The following AOPEP variants were observed in gnomAD, a reference collection of about 807,000 sequenced individuals.
The protein encoded by AOPEP is aminopeptidase O (putative), also known as aminopeptidase O.
In AOPEP, 77 loss-of-function variants were observed where a neutral mutation model predicts 98.1. The ratio of observed to expected loss-of-function variants is 0.78; its 90% CI spans 0.65 to 0.95. The LOEUF (loss-of-function observed/expected upper bound fraction) is 0.95. Ranked by LOEUF, AOPEP falls within the 40% of genes least tolerant of loss-of-function variation. AOPEP has a pLI of 0.00. For missense variants in AOPEP, 1,024 were observed against 1,024.7 expected (o/e 1.00, Z 0.01); for synonymous variants, 346 against 365.3 (o/e 0.95, Z 0.60).
At chr9:94,798,242 T>C (rs192102051) in intron 4 of AOPEP, among the ~76,000 whole-genome samples, 14 of 152,306 alleles carry the variant, frequency 9.2e-5, no homozygotes, top group Non-Finnish European at 1.9e-4. Context: ...TCTCACCTGG[T>C]CAGAGCTTGA....
At chr9:95,067,790 T>C (rs902696098) in intron 14 of AOPEP, among the ~76,000 whole-genome samples, 2 of 152,204 alleles carry the variant, frequency 1.3e-5, no homozygotes, top group Non-Finnish European at 2.9e-5. Context: ...CCACAATCAC[T>C]TGTAGAACAT....
At chr9:94,961,315 T>C (rs2058826121) in intron 9 of AOPEP, among the ~76,000 whole-genome samples, 3 of 152,234 alleles carry the variant, frequency 2.0e-5, no homozygotes, top group African/African-American at 7.2e-5. Flanking sequence ...GTGTGCATTT[T>C]TATTTTTAGT....
chr9:94,874,043 CTA>C (rs1324250894), intron 5 of AOPEP, among the ~76,000 whole-genome samples: 1 of 151,904 alleles, frequency 6.6e-6, no homozygotes, highest in Non-Finnish European at 1.5e-5. Flanking sequence ...TTAGAAATAA[CTA>C]TGTTTTATTT....
At chr9:94,954,324 C>T (rs1438696482) in intron 7 of AOPEP, among the ~76,000 whole-genome samples, 2 of 151,786 alleles carry the variant, frequency 1.3e-5, no homozygotes, top group Non-Finnish European at 2.9e-5. Flanking sequence ...AACCCTGACT[C>T]GAAGGAAAAA....
the AOPEP span, among the ~76,000 whole-genome samples, chr9:95,119,278 G>A: frequency 1.3e-5 from 2 of 151,900 alleles, no homozygotes; most frequent in African/African-American, 4.8e-5. Flanking sequence ...ATATATTCTC[G>A]ACACAAGTCC....
rs2058314853 is a variant in AOPEP, at chr9:94,954,413, T to C, written c.1662-764T>C. Among the ~76,000 whole-genome samples, 3 of 152,186 alleles carry C rather than the reference T, an allele frequency of 2.0e-5. No individual in the cohort carries two copies. In the South Asian group the frequency reaches 6.2e-4, roughly 31 times the overall value. On this transcript the variant is annotated intron_variant, in intron 7 of 16. Coordinates refer to ENST00000375315, the MANE Select transcript of AOPEP (RefSeq NM_001193329.3). ...CCACATTGGAAGAAGAAGAATTGTC[T>C]TGGGCCATGTGTAAAATAAGCTAAC...
At chr9:94,780,242 A>G (rs1271609051) in intron 3 of AOPEP, among the ~76,000 whole-genome samples, 1 of 152,224 alleles carries the variant, frequency 6.6e-6, no homozygotes, top group African/African-American at 2.4e-5. Flanking sequence ...GACCTCTGTC[A>G]TATTCATCTG....
chr9:94,934,710 G>C (rs972284104), intron 7 of AOPEP: 1 of 152,218 alleles, frequency 6.6e-6, no homozygotes, highest in Non-Finnish European at 1.5e-5. Flanking sequence ...CTTCTGCTTT[G>C]TTTGGTACTG....
chr9:94,760,235 T>A lies in AOPEP; in HGVS notation c.452T>A (p.Leu151Ter). Residue 151 changes from leucine (L) to a stop codon, truncating the protein, a stop_gained, in exon 2 of 17, where the codon TTA (leucine) becomes TAA (stop). Coordinates refer to ENST00000375315, the MANE Select transcript of AOPEP (RefSeq NM_001193329.3). LOFTEE classifies it high-confidence loss of function. Reference sequence around the variant, plus strand: ...TTGCTAGTGTTGGACTGCTGTGATTTATCTGTGTTAAAAGTCGAGGAGGTG... The same window carrying A: ...TTGCTAGTGTTGGACTGCTGTGATTAATCTGTGTTAAAAGTCGAGGAGGTG... ...DFLLVLDCCD[L>*]SVLKVEEVDV... The A allele has an allele frequency of 6.2e-7, 1 of 1,614,220 alleles. No individual in the cohort carries two copies. The highest frequency in any genetic ancestry group is 8.5e-7 in the Non-Finnish European group (1 of 1,180,032).
At chr9:94,894,390 A>G (rs2049233601) in intron 5 of AOPEP, among the ~76,000 whole-genome samples, 1 of 152,236 alleles carries the variant, frequency 6.6e-6, no homozygotes, top group Admixed American at 6.5e-5. Flanking sequence ...ATAGTAACAG[A>G]TGCAGAGGAA....
At chr9:94,952,910 G>A (rs1334638135) in intron 7 of AOPEP, among the ~76,000 whole-genome samples, 1 of 152,232 alleles carries the variant, frequency 6.6e-6, no homozygotes, top group Non-Finnish European at 1.5e-5. Context: ...ATGCTTTCGG[G>A]AAGGACATTT....
rs183193713 is a variant in AOPEP at position 94,956,067 on chromosome 9, C to T, written c.1872+52C>T. The T allele has an allele frequency of 2.8e-4, 292 of 1,052,876 alleles. No homozygotes were observed. In the East Asian group the frequency reaches 6.8e-3, roughly 25 times the overall value. 65.2% of individuals were successfully genotyped at this position (1,052,876 alleles called of 1,614,324 possible). A position where few individuals can be genotyped will look rare whatever the true frequency, so the allele number is the denominator to read the frequency against. ...TGATGTATGACTGGAGGGGGTATGGCACATGAAGATTAGATTATGCCAGTA... is the reference window on the plus strand; with the variant it reads ...TGATGTATGACTGGAGGGGGTATGGTACATGAAGATTAGATTATGCCAGTA... On this transcript the variant is annotated intron_variant, in intron 9 of 16. Transcript: ENST00000375315.
intron 5 of AOPEP, among the ~76,000 whole-genome samples, chr9:94,901,610 T>G (rs2050416258): frequency 6.6e-6 from 1 of 152,164 alleles, no homozygotes; most frequent in South Asian, 2.1e-4. Flanking sequence ...TTCAACAACC[T>G]TCACTTAAAA....
At chr9:94,872,821 A>T (rs1443948561) in intron 5 of AOPEP, among the ~76,000 whole-genome samples, 1 of 152,186 alleles carries the variant, frequency 6.6e-6, no homozygotes, top group African/African-American at 2.4e-5. Context: ...AAGTGCAATC[A>T]TTGGTGCCTT....
intron 10 of AOPEP, among the ~76,000 whole-genome samples, chr9:94,973,813 G>A (rs2059676310): frequency 6.6e-6 from 1 of 152,236 alleles, no homozygotes; most frequent in African/African-American, 2.4e-5. Context: ...GTAATTTCCT[G>A]TAAGTTCTAG....
At chr9:95,067,537 C>T (rs2068036936) in intron 14 of AOPEP, among the ~76,000 whole-genome samples, 1 of 152,162 alleles carries the variant, frequency 6.6e-6, no homozygotes, top group Non-Finnish European at 1.5e-5. Flanking sequence ...CTGAGGGAAC[C>T]AGCCAGCGCA....
chr9:94,846,186 G>A (rs1008523667), intron 5 of AOPEP, among the ~76,000 whole-genome samples: 2 of 152,118 alleles, frequency 1.3e-5, no homozygotes, highest in African/African-American at 4.8e-5. Flanking sequence ...CTGAATTTGC[G>A]GAGCCTTCAG....
chr9:95,004,841 A>C (rs1465009604), intron 11 of AOPEP: 2 of 146,990 alleles, frequency 1.4e-5, no homozygotes, highest in South Asian at 1.9e-4. Flanking sequence ...CGTGGGGAGA[A>C]CAATACAATG....
intron 1 of AOPEP, among the ~76,000 whole-genome samples, chr9:94,734,541 A>G (rs1831308944): frequency 6.6e-6 from 1 of 152,272 alleles, no homozygotes; most frequent in African/African-American, 2.4e-5. Flanking sequence ...GTAAGTGGCC[A>G]GAGAATTTGC....
Sources: allele counts gnomAD v4.1 joint callset (sites outside exome capture counted in the v4.1 genomes callset), GRCh38; gene constraint gnomAD v4.1.1; transcripts MANE v1.5; gene names NCBI Gene and HGNC (gene_info 2026-07-23, HGNC 2026-07-21).